LRP1B: variants seen among roughly 807,000 people sequenced by gnomAD.
The protein encoded by LRP1B is low-density lipoprotein receptor-related protein 1B.
In LRP1B, 217 loss-of-function variants were observed where a neutral mutation model predicts 556.6. The ratio of observed to expected loss-of-function variants is 0.39; its 90% CI spans 0.35 to 0.44. LRP1B has a LOEUF of 0.44. Ranked by LOEUF, LRP1B falls within the 20% of genes least tolerant of loss-of-function variation. LRP1B has a pLI of 1.00. For missense variants in LRP1B, 5,053 were observed against 5,620.8 expected (o/e 0.90, Z 3.23); for synonymous variants, 2,047 against 1,865.8 (o/e 1.10, Z -2.50).
chr2:141,583,906 A>ATTTTTTTTTTTTTTTTTTTTTTTTT (rs113916906), intron 2 of LRP1B, among the ~76,000 whole-genome samples: 1 of 145,482 alleles, frequency 6.9e-6, no homozygotes, highest in African/African-American at 2.5e-5. Flanking sequence ...TGCCCGGCTA[A>ATTTTTTTTTTTTTTTTTTTTTTTTT]TTTTTTTTTT....
intron 3 of LRP1B, among the ~76,000 whole-genome samples, chr2:141,446,372 G>A (rs7576488): frequency 0.016 from 2,488 of 152,216 alleles, 69 homozygotes; most frequent in African/African-American, 0.055. Context: ...CAATTTGCCA[G>A]TCTGTGTCTT....
chr2:141,717,423 C>A (rs752912128), intron 2 of LRP1B, among the ~76,000 whole-genome samples: 2 of 152,192 alleles, frequency 1.3e-5, no homozygotes, highest in Non-Finnish European at 2.9e-5. Flanking sequence ...TTGACTGATT[C>A]AGTGGCAGAA....
intron 7 of LRP1B, among the ~76,000 whole-genome samples, chr2:141,074,901 G>A (rs529960082): frequency 1.3e-5 from 2 of 152,212 alleles, no homozygotes; most frequent in African/African-American, 4.8e-5. Context: ...TTCCCTTGGA[G>A]AACTTGTAAG....
chr2:140,803,473 T>C (rs1690595254), intron 32 of LRP1B, among the ~76,000 whole-genome samples: 1 of 151,564 alleles, frequency 6.6e-6, no homozygotes, highest in Non-Finnish European at 1.5e-5. Context: ...TATTTATTTA[T>C]TTTTTTAGTA....
intron 32 of LRP1B, among the ~76,000 whole-genome samples, chr2:140,779,124 C>T (rs995204134): frequency 1.5e-4 from 22 of 151,568 alleles, no homozygotes; most frequent in African/African-American, 2.2e-4. Flanking sequence ...AGTTTGAGGA[C>T]GATGGTTTCA....
intron 51 of LRP1B, among the ~76,000 whole-genome samples, chr2:140,511,342 C>A (rs1255206608): frequency 1.6e-5 from 2 of 125,874 alleles, no homozygotes; most frequent in Non-Finnish European, 3.1e-5. Flanking sequence ...CGCTCTGTCG[C>A]CCAGGCTGGA....
intron 7 of LRP1B, among the ~76,000 whole-genome samples, chr2:141,120,694 A>G (rs575819084): frequency 6.6e-6 from 1 of 152,078 alleles, no homozygotes; most frequent in East Asian, 1.9e-4. Context: ...ATTTTTCTAA[A>G]GTAGGTCTAA....
chr2:141,248,493 C>T (rs1308869832), intron 4 of LRP1B, among the ~76,000 whole-genome samples: 2 of 152,060 alleles, frequency 1.3e-5, no homozygotes, highest in African/African-American at 4.8e-5. Context: ...TCTGGCTTTC[C>T]TCAGACTAAG....
chr2:141,912,680 A>G lies in LRP1B; in HGVS notation c.83-102279T>C, dbSNP rs150183835. Among the ~76,000 whole-genome samples, 251 of 152,320 alleles carry G rather than the reference A, an allele frequency of 1.6e-3. 1 individual carries two copies. The highest frequency in any genetic ancestry group is 5.5e-3 in the African/African-American group (227 of 41,570). ...CACCCTGATTTCGTCTTGTTTCTTA[A>G]AAGTGGAAGATGAAATTCCCATGTG... is the stretch of plus-strand genomic sequence containing the variant. On this transcript the variant is annotated intron_variant, in intron 1 of 90. Coordinates refer to ENST00000389484, the MANE Select transcript of LRP1B (RefSeq NM_018557.3).
At chr2:141,638,129 A>G (rs946366046) in intron 2 of LRP1B, among the ~76,000 whole-genome samples, 1 of 151,938 alleles carries the variant, frequency 6.6e-6, no homozygotes, top group Admixed American at 6.6e-5. Context: ...GGAGGCTGCA[A>G]TGAGCCGAGG....
intron 2 of LRP1B, among the ~76,000 whole-genome samples, chr2:141,524,285 T>C (rs947947524): frequency 6.6e-6 from 1 of 150,860 alleles, no homozygotes; most frequent in African/African-American, 2.4e-5. Flanking sequence ...TATATAAAAC[T>C]CAATGCCTAA....
chr2:141,638,352 G>A (rs1009291002), intron 2 of LRP1B, among the ~76,000 whole-genome samples: 1 of 151,978 alleles, frequency 6.6e-6, no homozygotes, highest in African/African-American at 2.4e-5. Flanking sequence ...TGTATAGCCC[G>A]CAGAACTGTG....
At chr2:140,819,544 A>G (rs1429331) in intron 31 of LRP1B, among the ~76,000 whole-genome samples, 128,244 of 152,096 alleles carry the variant, frequency 0.84, 54,573 homozygotes, top group East Asian at 0.99. Context: ...ATGATGACTA[A>G]AACAGAGAAG....
chr2:140,235,454 T>G lies in LRP1B; in HGVS notation c.13561-570A>C, dbSNP rs913079034. On this transcript the variant is annotated intron_variant, in intron 89 of 90. Coordinates refer to ENST00000389484, the MANE Select transcript of LRP1B (RefSeq NM_018557.3). ...ATGCTCTATAAAATTCATATGATTA[T>G]TAAGGTTGCTTCAATATGGCCCTTT... Among the ~76,000 whole-genome samples the G allele has an allele frequency of 4.6e-5, 7 of 151,314 alleles. No individual in the cohort carries two copies. The East Asian group carries it at 1.4e-3, about 30-fold the overall frequency.
At chr2:141,584,337 G>C (rs1442377716) in intron 2 of LRP1B, among the ~76,000 whole-genome samples, 2 of 152,098 alleles carry the variant, frequency 1.3e-5, no homozygotes, top group African/African-American at 2.4e-5. Context: ...AAAGAGAAGT[G>C]AGATGAGAGA....
intron 7 of LRP1B, among the ~76,000 whole-genome samples, chr2:141,097,099 T>C (rs751259648): frequency 6.6e-6 from 1 of 152,186 alleles, no homozygotes; most frequent in Non-Finnish European, 1.5e-5. Flanking sequence ...TAAATGTCTG[T>C]AGAGTAATTA....
In LRP1B at chr2:140,883,825, T is replaced by G. The variant is rs1202949417; in HGVS notation, c.4161A>C (p.Pro1387=). The G allele has an allele frequency of 6.2e-7, 1 of 1,613,096 alleles. No individual in the cohort carries two copies. Among genetic ancestry groups the G allele is most frequent in the African/African-American group, 1.3e-5 (1 of 74,896 alleles). ...AAGGCAAACTTCTTTACCCATATCT[T>G]GGGTCCAAAGCAATGGCCCTGGGGT... ...MEHPRAIALD[P]RYGILFWTDW... is the part of the protein sequence containing the mutation. The change falls in exon 25 of 91, where the codon CCA becomes CCC. Residue 1387 remains proline, a synonymous_variant. Coordinates refer to ENST00000389484, the MANE Select transcript of LRP1B (RefSeq NM_018557.3).
intron 2 of LRP1B, among the ~76,000 whole-genome samples, chr2:141,581,167 G>C (rs1410399440): frequency 1.3e-5 from 2 of 152,110 alleles, no homozygotes; most frequent in Non-Finnish European, 2.9e-5. Flanking sequence ...TCACAGACTT[G>C]CATTTTCTTC....
At chr2:140,829,738 C>A (rs1426811498) in intron 31 of LRP1B, among the ~76,000 whole-genome samples, 1 of 151,524 alleles carries the variant, frequency 6.6e-6, no homozygotes, top group Non-Finnish European at 1.5e-5. Context: ...ATAAACCAAT[C>A]CCAAAAGTAG....
Sources: allele counts gnomAD v4.1 joint callset (sites outside exome capture counted in the v4.1 genomes callset), GRCh38; gene constraint gnomAD v4.1.1; transcripts MANE v1.5; gene names NCBI Gene and HGNC (gene_info 2026-07-23, HGNC 2026-07-21).